SNRPD2: variants seen among roughly 807,000 people sequenced by gnomAD.
The protein encoded by SNRPD2 is small nuclear ribonucleoprotein D2 polypeptide, also known as small nuclear ribonucleoprotein Sm D2.
A neutral mutation model predicts 11.5 loss-of-function variants in SNRPD2; 1 was observed. The observed-to-expected ratio is 0.09, with a 90% CI of 0.03 to 0.41. SNRPD2 has a LOEUF of 0.41. SNRPD2 is among the 10% of genes least tolerant of loss of function. The pLI is 0.98. For synonymous variants in SNRPD2, 63 were observed against 61.5 expected (o/e 1.02, Z -0.12); for missense variants, 77 against 154.9 (o/e 0.50, Z 2.67).
chr19:45,691,862 C>G, intron 1 of SNRPD2, 25 bp downstream of exon 1: 1 of 1,614,150 alleles, frequency 6.2e-7, no homozygotes. Flanking sequence ...CTCATTCCCG[C>G]CGCCTAAGCC....
intron 1 of SNRPD2, among the ~76,000 whole-genome samples, chr19:45,689,695 G>A (rs1196461433): frequency 6.6e-6 from 1 of 152,084 alleles, no homozygotes; most frequent in Non-Finnish European, 1.5e-5. Flanking sequence ...CTGGGTGACA[G>A]AGCGAGACTC....
At chr19:45,691,587 G>C (rs1191530455) in intron 1 of SNRPD2, 1 of 392,390 alleles carries the variant, frequency 2.5e-6, no homozygotes, top group African/African-American at 2.1e-5. Flanking sequence ...GCCTAGGCTA[G>C]TCTCGAACTC....
At chr19:45,689,833 G>C (rs201712910) in intron 1 of SNRPD2, among the ~76,000 whole-genome samples, 1 of 150,240 alleles carries the variant, frequency 6.7e-6, no homozygotes, top group Non-Finnish European at 1.5e-5. Context: ...TCAGGAGTTC[G>C]AGACCACCCA....
intron 1 of SNRPD2, 21 bp downstream of exon 1, chr19:45,691,866 C>G: frequency 6.2e-7 from 1 of 1,614,204 alleles, no homozygotes; most frequent in Non-Finnish European, 8.5e-7. Context: ...TTCCCGCCGC[C>G]TAAGCCTAGC....
rs1568533791 is a variant in SNRPD2 at position 45,688,200 on chromosome 19, C to T, written c.182+187G>A. ...GTTTCGCCATTTTAGCTAAGCTGGT[C>T]TTGAACTCCTGACCTCAGGTGATCT... On this transcript the variant is annotated intron_variant, in intron 2 of 2. Coordinates refer to ENST00000342669, the MANE Select transcript of SNRPD2 (RefSeq NM_001384647.1). The surrounding 1 kb of genome is among the most constrained non-coding windows in gnomAD (Gnocchi z 4.1). 6.6e-6 allele frequency among the ~76,000 whole-genome samples: 1 copy of T among 152,106 alleles called. No individual in the cohort carries two copies. The highest frequency in any genetic ancestry group is 1.5e-5 in the Non-Finnish European group (1 of 68,014).
rs757447825 is a variant in SNRPD2 at position 45,688,459 on chromosome 19, T to C, written c.110A>G (p.Lys37Arg). 6.2e-7 allele frequency: 1 copy of C among 1,614,238 alleles called. No homozygotes were observed. Among genetic ancestry groups the C allele is most frequent in the East Asian group, 2.2e-5 (1 of 44,886 alleles). ...GTTGATGAGCACTTGGGTATTGTTC[T>C]TGACTGACTGTGTGAGCACAGAGAG... ...GPLSVLTQSV[K>R]NNTQVLINCR... Residue 37 changes from lysine to arginine, a missense_variant, in exon 2 of 3, where the codon AAG (lysine) becomes AGG (arginine). Lys to Arg is a conservative substitution (Grantham distance 26). Transcript: ENST00000342669. The surrounding 1 kb of genome is among the most constrained non-coding windows in gnomAD (Gnocchi z 4.1).
Position 45,688,320 on chromosome 19 carries a change from C to A in SNRPD2, c.182+67G>T, listed in dbSNP as rs1050679939. On this transcript the variant is annotated intron_variant, in intron 2 of 2. Coordinates refer to ENST00000342669, the MANE Select transcript of SNRPD2 (RefSeq NM_001384647.1). This position sits in a 1 kb window ranked among gnomAD's most constrained non-coding sequence, Gnocchi z 4.1. ...CTTCTGAGACAGCTGTCTTTGAGCT[C>A]TTCAGACTGGAGCTGGAGTGGCCTC... 2.1e-6 allele frequency: 3 copies of A among 1,413,546 alleles called. No homozygotes were observed. In the African/African-American group the frequency reaches 4.3e-5, roughly 20 times the overall value. 87.6% of individuals were successfully genotyped at this position (1,413,546 alleles called of 1,614,324 possible). A position where few individuals can be genotyped will look rare whatever the true frequency, so the allele number is the denominator to read the frequency against.
intron 1 of SNRPD2, 84 bp downstream of exon 1, chr19:45,691,803 C>T: frequency 1.3e-6 from 2 of 1,501,112 alleles, no homozygotes; most frequent in Non-Finnish European, 9.3e-7. Context: ...GCCCCCCCCG[C>T]TCTGCTCAAC....
rs769325906 is a variant in SNRPD2 at position 45,688,364 on chromosome 19, A to G, written c.182+23T>C. The G allele has an allele frequency of 6.2e-7, 1 of 1,610,830 alleles. No homozygotes were observed. Among genetic ancestry groups the G allele is most frequent in the Non-Finnish European group, 8.5e-7 (1 of 1,177,546 alleles). ...TGGCCTCTCCAGGCCTGCGGAGAAC[A>G]CCTCCCAGGACCCAGCACTCACCTA... On this transcript the variant is annotated intron_variant, in intron 2 of 2. Transcript: ENST00000342669. The surrounding 1 kb of genome is among the most constrained non-coding windows in gnomAD (Gnocchi z 4.1).
intron 1 of SNRPD2, chr19:45,691,543 T>A (rs1469041016): frequency 2.0e-5 from 5 of 254,568 alleles, no homozygotes; most frequent in Non-Finnish European, 3.1e-5. Context: ...TAAATTTTTT[T>A]TTTTTTTTGT....
intron 1 of SNRPD2, among the ~76,000 whole-genome samples, chr19:45,690,127 C>G (rs1309105063): frequency 6.7e-6 from 1 of 150,316 alleles, no homozygotes; most frequent in African/African-American, 2.4e-5. Context: ...GTCAGGAGAT[C>G]GAGACCATCC....
intron 1 of SNRPD2, among the ~76,000 whole-genome samples, chr19:45,689,528 CAAAACAACAATAAAA>C (rs1268717897): frequency 6.6e-6 from 1 of 151,684 alleles, no homozygotes; most frequent in Non-Finnish European, 1.5e-5. Context: ...CAAAACAAAA[CAAAACAACAATAAAA>C]AAAACAACCA....
At position 45,687,751 on chromosome 19, in the gene SNRPD2, G is replaced by A. The variant is rs749436878; in HGVS notation, c.183-24C>T. ...GCCTGGTGGGGAACAGGGAGGGGAG[G>A]CACTGGGCGTGAGGGGCGTGCCTCT... is the stretch of plus-strand genomic sequence containing the variant. On this transcript the variant is annotated intron_variant, in intron 2 of 2. Coordinates refer to ENST00000342669, the MANE Select transcript of SNRPD2 (RefSeq NM_001384647.1). The surrounding 1 kb of genome is among the most constrained non-coding windows in gnomAD (Gnocchi z 4.1). 3.7e-6 allele frequency: 6 copies of A among 1,605,488 alleles called. 1 individual carries two copies. The South Asian group carries it at 6.6e-5, about 18-fold the overall frequency.
chr19:45,692,059 C>A (rs564342169), upstream of SNRPD2: 2 of 1,550,804 alleles, frequency 1.3e-6, no homozygotes, highest in Non-Finnish European at 8.7e-7. Flanking sequence ...CAACGGTGCA[C>A]AATGATGGAA....
chr19:45,692,198 G>A (rs1042659326), upstream of SNRPD2: 4 of 488,696 alleles, frequency 8.2e-6, no homozygotes, highest in African/African-American at 1.9e-5. Flanking sequence ...GTTGAAGGAG[G>A]GAAATGACAA....
chr19:45,692,062 T>C (rs1162087987), upstream of SNRPD2: 5 of 1,544,806 alleles, frequency 3.2e-6, no homozygotes, highest in African/African-American at 5.4e-5. Flanking sequence ...CGGTGCACAA[T>C]GATGGAATAA....
At chr19:45,690,518 TCCC>T (rs1438267003) in intron 1 of SNRPD2, 2 of 149,460 alleles carry the variant, frequency 1.3e-5, no homozygotes, top group African/African-American at 2.5e-5. Flanking sequence ...CCTCCCATCC[TCCC>T]CCCATCTCAG....
At chr19:45,692,105 A>T (rs919698104), upstream of SNRPD2, 46 of 1,214,382 alleles carry the variant, frequency 3.8e-5, no homozygotes, top group Non-Finnish European at 4.9e-5. Context: ...GCCAGTCAGA[A>T]CCACACGGGG....
Position 45,689,800 on chromosome 19 carries a change from G to A in SNRPD2, c.3-1234C>T, listed in dbSNP as rs560786521. 3.2e-4 allele frequency among the ~76,000 whole-genome samples: 49 copies of A among 151,928 alleles called. 1 individual carries two copies. The South Asian group carries it at 9.4e-3, about 29-fold the overall frequency. ...TGTAATCCCAGCACTTTGGGAGGCCGACGCGAGGTGGATCGCCTGAGCTCA... is the reference window on the plus strand; with the variant it reads ...TGTAATCCCAGCACTTTGGGAGGCCAACGCGAGGTGGATCGCCTGAGCTCA... On this transcript the variant is annotated intron_variant, in intron 1 of 2. Coordinates refer to ENST00000342669, the MANE Select transcript of SNRPD2 (RefSeq NM_001384647.1).
Sources: allele counts gnomAD v4.1 joint callset (sites outside exome capture counted in the v4.1 genomes callset), GRCh38; gene constraint gnomAD v4.1.1; non-coding constraint Gnocchi (gnomAD v3.1); transcripts MANE v1.5; gene names NCBI Gene and HGNC (gene_info 2026-07-23, HGNC 2026-07-21).